The following CSNK2A2IP variants were observed in gnomAD, a reference collection of about 807,000 sequenced individuals.
CSNK2A2IP encodes the protein casein kinase 2 subunit alpha' interacting protein.
At chr3:88,460,975 T>A in the CSNK2A2IP span, among the ~76,000 whole-genome samples, 1 of 151,784 alleles carries the variant, frequency 6.6e-6, no homozygotes, top group African/African-American at 2.4e-5. Flanking sequence ...TAATCCCAGC[T>A]GCTTGGGAGG....
the CSNK2A2IP span, among the ~76,000 whole-genome samples, chr3:88,400,196 G>A: frequency 6.6e-6 from 1 of 152,084 alleles, no homozygotes; most frequent in Admixed American, 6.6e-5. Context: ...TCTGAGCCAG[G>A]CAGAGAAGGG....
At chr3:88,373,878 T>A in the CSNK2A2IP span, among the ~76,000 whole-genome samples, 1 of 151,496 alleles carries the variant, frequency 6.6e-6, no homozygotes, top group African/African-American at 2.4e-5. Flanking sequence ...CAAAAATTAA[T>A]AAGATGAAAT....
chr3:88,352,713 G>T, the CSNK2A2IP span, among the ~76,000 whole-genome samples: 42 of 151,968 alleles, frequency 2.8e-4, no homozygotes, highest in African/African-American at 9.2e-4. Context: ...TGAGTAGCCC[G>T]GACCACAGGC....
chr3:88,466,889 C>T, the CSNK2A2IP span: 1 of 1,222,432 alleles, frequency 8.2e-7, no homozygotes, highest in African/African-American at 1.6e-5. Flanking sequence ...GAGGCCAATT[C>T]TGAGGGCAAA....
At chr3:88,376,243 C>T in the CSNK2A2IP span, among the ~76,000 whole-genome samples, 2 of 151,732 alleles carry the variant, frequency 1.3e-5, no homozygotes, top group Non-Finnish European at 2.9e-5. Flanking sequence ...GTACTCCTCT[C>T]CCACTCTAAA....
the CSNK2A2IP span, among the ~76,000 whole-genome samples, chr3:88,453,192 A>G: frequency 3.9e-5 from 6 of 152,086 alleles, no homozygotes; most frequent in Admixed American, 3.3e-4. Context: ...TTATTCTCTT[A>G]GAATGATCAA....
At chr3:88,387,793 A>G in the CSNK2A2IP span, among the ~76,000 whole-genome samples, 2 of 152,142 alleles carry the variant, frequency 1.3e-5, no homozygotes, top group Admixed American at 6.5e-5. Context: ...CGGCATGATC[A>G]CAGCTCACTG....
chr3:88,373,728 A>T, the CSNK2A2IP span, among the ~76,000 whole-genome samples: 2 of 151,272 alleles, frequency 1.3e-5, no homozygotes, highest in Admixed American at 6.6e-5. Context: ...TTTCAAAAAT[A>T]AAAAAACTTG....
the CSNK2A2IP span, among the ~76,000 whole-genome samples, chr3:88,344,638 C>T: frequency 6.6e-6 from 1 of 151,916 alleles, no homozygotes; most frequent in African/African-American, 2.4e-5. Context: ...ATAAAACTGA[C>T]AGTCATTTAA....
the CSNK2A2IP span, among the ~76,000 whole-genome samples, chr3:88,401,596 T>C: frequency 6.6e-6 from 1 of 152,144 alleles, no homozygotes; most frequent in African/African-American, 2.4e-5. Flanking sequence ...AGCAAGTCTT[T>C]TAGGAGAAAG....
the CSNK2A2IP span, among the ~76,000 whole-genome samples, chr3:88,422,575 T>C: frequency 2.0e-5 from 3 of 152,256 alleles, no homozygotes; most frequent in Admixed American, 2.0e-4. Flanking sequence ...TATAGTTTAC[T>C]ACAAAAATGA....
At chr3:88,385,362 T>C in the CSNK2A2IP span, among the ~76,000 whole-genome samples, 1 of 152,104 alleles carries the variant, frequency 6.6e-6, no homozygotes, top group African/African-American at 2.4e-5. Context: ...AGAGATTCAA[T>C]TGAATTTTGC....
At chr3:88,402,654 A>G in the CSNK2A2IP span, among the ~76,000 whole-genome samples, 1 of 67,922 alleles carries the variant, frequency 1.5e-5, no homozygotes, top group Non-Finnish European at 6.1e-5. Context: ...TTGGAAACAT[A>G]AAATAATATA....
chr3:88,420,118 G>T, the CSNK2A2IP span, among the ~76,000 whole-genome samples: 1 of 152,148 alleles, frequency 6.6e-6, no homozygotes, highest in Non-Finnish European at 1.5e-5. Flanking sequence ...ATCTCTCCAG[G>T]TGATTCCAGT....
chr3:88,421,499 C>T, the CSNK2A2IP span, among the ~76,000 whole-genome samples: 2 of 152,130 alleles, frequency 1.3e-5, no homozygotes, highest in Non-Finnish European at 2.9e-5. Context: ...TCACTGCAAC[C>T]TCCACCTTCC....
At chr3:88,376,532 A>G in the CSNK2A2IP span, among the ~76,000 whole-genome samples, 2 of 151,738 alleles carry the variant, frequency 1.3e-5, no homozygotes, top group Non-Finnish European at 2.9e-5. Context: ...TATTTCCTCC[A>G]TGTATTCTTA....
At chr3:88,341,230 C>T in the CSNK2A2IP span, among the ~76,000 whole-genome samples, 1 of 151,658 alleles carries the variant, frequency 6.6e-6, no homozygotes, top group African/African-American at 2.4e-5. Flanking sequence ...TAATTGGGTT[C>T]AGAGGCTATT....
the CSNK2A2IP span, among the ~76,000 whole-genome samples, chr3:88,339,315 G>A: frequency 1.3e-5 from 2 of 151,524 alleles, no homozygotes; most frequent in African/African-American, 4.8e-5. Flanking sequence ...TTCTGTGCCT[G>A]ACTAATTTCA....
chr3:88,409,146 T>C, the CSNK2A2IP span, among the ~76,000 whole-genome samples: 1 of 152,100 alleles, frequency 6.6e-6, no homozygotes, highest in African/African-American at 2.4e-5. Context: ...GCAGAGTGTC[T>C]CAAGTGGTTT....
Sources: gnomAD v4.1 joint callset for allele counts (sites outside exome capture counted in the v4.1 genomes callset) on GRCh38, gnomAD v4.1.1 for gene constraint, MANE v1.5 for transcripts, NCBI Gene and HGNC (gene_info 2026-07-23, HGNC 2026-07-21) for gene names.